Variants in HEMK2 observed in about 807,000 individuals in gnomAD.
The protein encoded by HEMK2 is methyltransferase HEMK2.
the HEMK2 span, among the ~76,000 whole-genome samples, chr21:28,867,238 T>G: frequency 6.6e-6 from 1 of 152,320 alleles, no homozygotes; most frequent in East Asian, 1.9e-4. Context: ...GGAAACAACC[T>G]AAAATTCAAT....
the HEMK2 span, among the ~76,000 whole-genome samples, chr21:28,761,792 G>C: frequency 6.6e-6 from 1 of 151,978 alleles, no homozygotes; most frequent in African/African-American, 2.4e-5. Context: ...TTGAATAAAT[G>C]ATGAGGCATC....
the HEMK2 span, among the ~76,000 whole-genome samples, chr21:28,723,637 C>T: frequency 6.6e-6 from 1 of 152,156 alleles, no homozygotes. Flanking sequence ...AAGACGTTGG[C>T]CACATTACCT....
chr21:28,708,884 G>A, the HEMK2 span, among the ~76,000 whole-genome samples: 1 of 152,194 alleles, frequency 6.6e-6, no homozygotes, highest in Non-Finnish European at 1.5e-5. Flanking sequence ...GGTTATATGT[G>A]TAAATGAAGA....
At chr21:28,772,178 G>A in the HEMK2 span, among the ~76,000 whole-genome samples, 1 of 152,092 alleles carries the variant, frequency 6.6e-6, no homozygotes, top group Admixed American at 6.6e-5. Flanking sequence ...CAAATCCCAT[G>A]GGCTTCAGTA....
the HEMK2 span, among the ~76,000 whole-genome samples, chr21:28,748,218 A>G: frequency 6.6e-6 from 1 of 152,228 alleles, no homozygotes; most frequent in Admixed American, 6.5e-5. Flanking sequence ...GCATCACACA[A>G]TACAGTCATG....
chr21:28,868,330 A>C, the HEMK2 span, among the ~76,000 whole-genome samples: 49 of 152,344 alleles, frequency 3.2e-4, no homozygotes, highest in East Asian at 9.2e-3. Context: ...GTATCTTTAT[A>C]ACAGTGAATC....
the HEMK2 span, among the ~76,000 whole-genome samples, chr21:28,841,271 T>A: frequency 7.9e-4 from 5 of 6,322 alleles, no homozygotes; most frequent in Middle Eastern, 0.083. Context: ...TAATATATAT[T>A]ATATATTATA....
chr21:28,870,153 A>G, the HEMK2 span, among the ~76,000 whole-genome samples: 2 of 152,334 alleles, frequency 1.3e-5, no homozygotes, highest in African/African-American at 4.8e-5. Context: ...CTTTACAGGA[A>G]AACTGATAAG....
At chr21:28,769,946 T>A in the HEMK2 span, among the ~76,000 whole-genome samples, 754 of 152,280 alleles carry the variant, frequency 5.0e-3, 5 homozygotes, top group African/African-American at 0.017. Context: ...TTTGGGCTAA[T>A]GAATTACATC....
chr21:28,842,485 C>A, the HEMK2 span, among the ~76,000 whole-genome samples: 1 of 152,086 alleles, frequency 6.6e-6, no homozygotes, highest in Non-Finnish European at 1.5e-5. Context: ...TAGCAACTGG[C>A]CTGATAGTAT....
chr21:28,677,584 C>A, the HEMK2 span, among the ~76,000 whole-genome samples: 1 of 152,180 alleles, frequency 6.6e-6, no homozygotes, highest in Non-Finnish European at 1.5e-5. Context: ...GATCTGAGAA[C>A]GGACAGACTG....
At chr21:28,638,334 G>C in the HEMK2 span, among the ~76,000 whole-genome samples, 1 of 152,114 alleles carries the variant, frequency 6.6e-6, no homozygotes, top group Non-Finnish European at 1.5e-5. Flanking sequence ...AGGAGGTATA[G>C]GAAGAGCAAA....
chr21:28,614,299 G>C, the HEMK2 span, among the ~76,000 whole-genome samples: 34 of 151,526 alleles, frequency 2.2e-4, no homozygotes, highest in South Asian at 4.0e-3. Context: ...TAATCTGGTG[G>C]GTTTTTTTTT....
the HEMK2 span, among the ~76,000 whole-genome samples, chr21:28,623,224 A>G: frequency 6.4e-4 from 98 of 152,366 alleles, 1 homozygote; most frequent in East Asian, 0.018. Context: ...GCCAAAAAAC[A>G]TATGAAAAAA....
chr21:28,821,146 G>C, the HEMK2 span, among the ~76,000 whole-genome samples: 1 of 151,784 alleles, frequency 6.6e-6, no homozygotes, highest in African/African-American at 2.4e-5. Flanking sequence ...AGTTTTTTTT[G>C]AAGATTTTTC....
the HEMK2 span, among the ~76,000 whole-genome samples, chr21:28,879,656 T>C: frequency 2.0e-5 from 3 of 152,222 alleles, no homozygotes; most frequent in Non-Finnish European, 4.4e-5. Flanking sequence ...ATGAATGTGA[T>C]TTTTAGGGAT....
At chr21:28,803,936 C>T in the HEMK2 span, among the ~76,000 whole-genome samples, 1 of 152,192 alleles carries the variant, frequency 6.6e-6, no homozygotes, top group Non-Finnish European at 1.5e-5. Context: ...TGCATACTCA[C>T]AAATAATTTC....
At chr21:28,668,697 T>C in the HEMK2 span, among the ~76,000 whole-genome samples, 1 of 152,304 alleles carries the variant, frequency 6.6e-6, no homozygotes, top group Non-Finnish European at 1.5e-5. Flanking sequence ...CTTGCCAAAC[T>C]ACCAGGGTTC....
At chr21:28,795,727 C>A in the HEMK2 span, among the ~76,000 whole-genome samples, 755 of 152,230 alleles carry the variant, frequency 5.0e-3, 5 homozygotes, top group African/African-American at 0.017. Context: ...GCCCAATGTT[C>A]AGGAAATGCA....
Sources: gnomAD v4.1 joint callset for allele counts (sites outside exome capture counted in the v4.1 genomes callset) on GRCh38, gnomAD v4.1.1 for gene constraint, MANE v1.5 for transcripts, NCBI Gene and HGNC (gene_info 2026-07-23, HGNC 2026-07-21) for gene names.